PIK3CD: variants seen among roughly 807,000 people sequenced by gnomAD.
PIK3CD encodes the protein phosphatidylinositol-4,5-bisphosphate 3-kinase catalytic subunit delta, also known as phosphatidylinositol 4,5-bisphosphate 3-kinase catalytic subunit delta isoform.
Under a neutral mutation model 122.9 loss-of-function variants are expected in PIK3CD, and 20 were observed. The ratio of observed to expected loss-of-function variants is 0.16; its 90% CI spans 0.11 to 0.24. PIK3CD has a LOEUF of 0.24. PIK3CD is among the 10% of genes least tolerant of loss of function. The pLI is 1.00. For synonymous variants in PIK3CD, 596 were observed against 593.4 expected (o/e 1.00, Z -0.06); for missense variants, 787 against 1,406.3 (o/e 0.56, Z 7.04).
upstream of PIK3CD, among the ~76,000 whole-genome samples, chr1:9,648,873 G>A (rs547876233): frequency 9.6e-4 from 146 of 152,264 alleles, 1 homozygote; most frequent in Admixed American, 8.3e-3. Context: ...AGGCTGAGGC[G>A]GGCAGATCAC....
Position 9,673,695 on chromosome 1 carries a change from G to A in PIK3CD, c.-137-17772G>A, listed in dbSNP as rs180847102. On this transcript the variant is annotated intron_variant, in intron 1 of 23. Coordinates refer to ENST00000377346, the MANE Select transcript of PIK3CD (RefSeq NM_005026.5). Reference sequence around the variant, plus strand: ...CGGAATTGCAGATGTGAGCCACAGCGCCCGGCCTTCCTTCTACATTTTAAT... The same window carrying A: ...CGGAATTGCAGATGTGAGCCACAGCACCCGGCCTTCCTTCTACATTTTAAT... 3.4e-3 allele frequency among the ~76,000 whole-genome samples: 520 copies of A among 152,254 alleles called. 3 individuals are homozygous for A. The highest frequency in any genetic ancestry group is 5.1e-3 in the Non-Finnish European group (345 of 68,004).
At chr1:9,673,782 T>C (rs1219089526) in intron 1 of PIK3CD, among the ~76,000 whole-genome samples, 1 of 152,208 alleles carries the variant, frequency 6.6e-6, no homozygotes, top group Non-Finnish European at 1.5e-5. Context: ...TACAGGAAGT[T>C]TGTTTTATTG....
At chr1:9,646,409 G>T in the PIK3CD span, among the ~76,000 whole-genome samples, 3 of 152,162 alleles carry the variant, frequency 2.0e-5, no homozygotes, top group African/African-American at 4.8e-5. Flanking sequence ...CTCAATGAAA[G>T]GTGACCCGAA....
chr1:9,719,254 A>G lies in PIK3CD; in HGVS notation c.1242+339A>G, dbSNP rs1242529946. Among the ~76,000 whole-genome samples, 2 of 152,332 alleles carry G rather than the reference A, an allele frequency of 1.3e-5. No homozygotes were observed. Among genetic ancestry groups the G allele is most frequent in the Admixed American group, 6.5e-5 (1 of 15,308 alleles). On this transcript the variant is annotated intron_variant, in intron 9 of 23. Transcript: ENST00000377346. This position sits in a 1 kb window ranked among gnomAD's most constrained non-coding sequence, Gnocchi z 5.5. ...GAGTCAGCGGCTGGCCGGGAGGCGT[A>G]GTGGCTGGGTGCTGAGTCACGGTCC...
chr1:9,689,932 G>A lies in PIK3CD; in HGVS notation c.-137-1535G>A, dbSNP rs1473552337. Among the ~76,000 whole-genome samples the A allele has an allele frequency of 1.3e-5, 2 of 152,122 alleles. No individual in the cohort carries two copies. The highest frequency in any genetic ancestry group is 2.9e-5 in the Non-Finnish European group (2 of 67,984). The stretch of plus-strand genomic sequence containing the variant: ...GGTGGGATTCTCAGCTATGGGCCGC[G>A]CGACGCTCTCCTCTCCTAATCTGGT... On this transcript the variant is annotated intron_variant, in intron 1 of 23. Coordinates refer to ENST00000377346, the MANE Select transcript of PIK3CD (RefSeq NM_005026.5). The surrounding 1 kb of genome is among the most constrained non-coding windows in gnomAD (Gnocchi z 6.1).
intron 1 of PIK3CD, among the ~76,000 whole-genome samples, chr1:9,685,314 G>GTTTC (rs965551891): frequency 6.6e-6 from 1 of 151,980 alleles, no homozygotes; most frequent in African/African-American, 2.4e-5. Flanking sequence ...TTGTTTGTTT[G>GTTTC]TTTTTGGTTG....
At chr1:9,640,303 G>A in the PIK3CD span, among the ~76,000 whole-genome samples, 1 of 152,130 alleles carries the variant, frequency 6.6e-6, no homozygotes, top group Non-Finnish European at 1.5e-5. Context: ...ATCCAAGCCA[G>A]GCACGGTGGC....
At chr1:9,681,789 T>A (rs1327056154) in intron 1 of PIK3CD, among the ~76,000 whole-genome samples, 1 of 152,158 alleles carries the variant, frequency 6.6e-6, no homozygotes, top group African/African-American at 2.4e-5. Flanking sequence ...ACTGTGAATG[T>A]GGGTGGGGGC....
rs1409436797 is a variant in PIK3CD at position 9,714,731 on chromosome 1, C to T, written c.142-810C>T. 2.0e-5 allele frequency among the ~76,000 whole-genome samples: 3 copies of T among 152,162 alleles called. No homozygotes were observed. In the East Asian group the frequency reaches 5.8e-4, roughly 29 times the overall value. ...GGGAACTTTCCTCCTTTCCCGTCTTCTTTGTGACTCAGTGGTGAACACCTT... is the reference window on the plus strand; with the variant it reads ...GGGAACTTTCCTCCTTTCCCGTCTTTTTTGTGACTCAGTGGTGAACACCTT... On this transcript the variant is annotated intron_variant, in intron 3 of 23. Coordinates refer to ENST00000377346, the MANE Select transcript of PIK3CD (RefSeq NM_005026.5).
intron 2 of PIK3CD, among the ~76,000 whole-genome samples, chr1:9,703,271 C>T (rs1026983729): frequency 2.0e-5 from 3 of 152,248 alleles, no homozygotes; most frequent in South Asian, 2.1e-4. Flanking sequence ...TGATAGGCTG[C>T]GCCTAAGTCT....
chr1:9,628,900 G>A, the PIK3CD span, among the ~76,000 whole-genome samples: 4 of 152,268 alleles, frequency 2.6e-5, no homozygotes, highest in South Asian at 4.1e-4. Context: ...CAGGACCCTC[G>A]GAAGGAAAAG....
chr1:9,649,101 C>CAAACAAACA (rs113911859), upstream of PIK3CD, among the ~76,000 whole-genome samples: 12 of 149,744 alleles, frequency 8.0e-5, no homozygotes, highest in South Asian at 1.5e-3. Context: ...GACCCTGTCT[C>CAAACAAACA]AACAAACAAA....
At chr1:9,638,339 C>T in the PIK3CD span, among the ~76,000 whole-genome samples, 1 of 152,006 alleles carries the variant, frequency 6.6e-6, no homozygotes, top group African/African-American at 2.4e-5. Flanking sequence ...CCGTTATCTG[C>T]AGCTTTTCAC....
intron 1 of PIK3CD, among the ~76,000 whole-genome samples, chr1:9,659,906 A>G (rs1327499113): frequency 6.6e-6 from 1 of 151,844 alleles, no homozygotes; most frequent in Admixed American, 6.6e-5. Context: ...ACGCACCACC[A>G]CACCTGGCTA....
chr1:9,710,449 A>G lies in PIK3CD; in HGVS notation c.-7A>G, dbSNP rs755784775. ...GACAACTGTCATCTGGGAAGTAACAACGCAGGATGCCCCCTGGGGTGGACT... is the reference window on the plus strand; with the variant it reads ...GACAACTGTCATCTGGGAAGTAACAGCGCAGGATGCCCCCTGGGGTGGACT... On this transcript the variant is annotated 5_prime_UTR_variant, in exon 3 of 24. Coordinates refer to ENST00000377346, the MANE Select transcript of PIK3CD (RefSeq NM_005026.5). The surrounding 1 kb of genome is among the most constrained non-coding windows in gnomAD (Gnocchi z 4.7). The G allele has an allele frequency of 8.7e-6, 14 of 1,614,058 alleles. No individual in the cohort carries two copies. Among genetic ancestry groups the G allele is most frequent in the Admixed American group, 1.7e-5 (1 of 60,008 alleles).
At position 9,652,509 on chromosome 1, in the gene PIK3CD, C is replaced by T. The variant is rs1396306627; in HGVS notation, c.-138+707C>T. 1 of 152,260 alleles carries T rather than the reference C, an allele frequency of 6.6e-6. No individual in the cohort carries two copies. The highest frequency in any genetic ancestry group is 1.5e-5 in the Non-Finnish European group (1 of 68,048). The allele number at this position is 152,260 out of a possible 1,614,324, so 9.4% of individuals were successfully genotyped here. On this transcript the variant is annotated intron_variant, in intron 1 of 23. Transcript: ENST00000377346. The surrounding 1 kb of genome is among the most constrained non-coding windows in gnomAD (Gnocchi z 6.2). ...TGCAGCGGCGCAGGCGAGATCAGCT[C>T]CGGATCTGCGGCCGAGCCGGGGTTA... is the stretch of plus-strand genomic sequence containing the variant.
rs993327311 is a variant in PIK3CD, at chr1:9,713,620, T to C, written c.142-1921T>C. On this transcript the variant is annotated intron_variant, in intron 3 of 23. Coordinates refer to ENST00000377346, the MANE Select transcript of PIK3CD (RefSeq NM_005026.5). ...TATTTTATTTTGCTTGAGAATGGTC[T>C]CACTTTGTTGCACAGGCTGGAATGC... Among the ~76,000 whole-genome samples, 69 of 152,108 alleles carry C rather than the reference T, an allele frequency of 4.5e-4. 1 individual carries two copies. Among genetic ancestry groups the C allele is most frequent in the Non-Finnish European group, 1.0e-4 (7 of 68,034 alleles).
chr1:9,692,173 C>G lies in PIK3CD; in HGVS notation c.-33+602C>G, dbSNP rs1410558636. ...TTGGCTACCACACCCATCTGGGGGC[C>G]TGGAATAGCTGGGTCTGGCTTGGGA... On this transcript the variant is annotated intron_variant, in intron 2 of 23. Coordinates refer to ENST00000377346, the MANE Select transcript of PIK3CD (RefSeq NM_005026.5). Among the ~76,000 whole-genome samples the G allele has an allele frequency of 3.3e-5, 5 of 152,200 alleles. No homozygotes were observed. In the East Asian group the frequency reaches 9.6e-4, roughly 29 times the overall value.
At chr1:9,698,898 G>A (rs747017097) in intron 2 of PIK3CD, among the ~76,000 whole-genome samples, 25 of 152,022 alleles carry the variant, frequency 1.6e-4, no homozygotes, top group Non-Finnish European at 2.8e-4. Flanking sequence ...AGAAATCTTT[G>A]TTGCGGAGGC....
Sources: gnomAD v4.1 joint callset for allele counts (sites outside exome capture counted in the v4.1 genomes callset) on GRCh38, gnomAD v4.1.1 for gene constraint, Gnocchi (gnomAD v3.1) non-coding constraint, MANE v1.5 for transcripts, NCBI Gene and HGNC (gene_info 2026-07-23, HGNC 2026-07-21) for gene names.